The following NLRP14 variants were observed in gnomAD, a reference collection of about 807,000 sequenced individuals.
NLRP14 encodes NLR family pyrin domain containing 14.
A neutral mutation model predicts 94.7 loss-of-function variants in NLRP14; 105 were observed. That is an observed-to-expected ratio of 1.11 (90% CI 0.95 to 1.30). NLRP14 has a LOEUF of 1.30. Among genes scored for constraint, NLRP14 ranks in the 50% most tolerant of loss-of-function variants. The pLI is 0.00. For synonymous variants in NLRP14, 508 were observed against 459.9 expected, an observed-to-expected ratio of 1.10 and a Z score of -1.34; for missense variants, 1,362 against 1,254.1, an observed-to-expected ratio of 1.09 and a Z score of -1.30.
At chr11:7,061,410 C>T (rs1241573541) in intron 9 of NLRP14, among the ~76,000 whole-genome samples, 3 of 151,966 alleles carry the variant, frequency 2.0e-5, no homozygotes, top group African/African-American at 4.8e-5. Context: ...TTTGCTAGCC[C>T]ACTTTCTGTC....
the NLRP14 span, chr11:7,089,336 G>A: frequency 8.1e-6 from 13 of 1,608,140 alleles, no homozygotes; most frequent in Middle Eastern, 3.3e-4. Flanking sequence ...TGAACGGCAA[G>A]TCCCTGGATG....
chr11:7,063,162 T>C (rs1461728046), intron 10 of NLRP14, among the ~76,000 whole-genome samples: 1 of 152,096 alleles, frequency 6.6e-6, no homozygotes, highest in Non-Finnish European at 1.5e-5. Context: ...ATAATAGCAA[T>C]GATGATGATG....
At chr11:7,060,095 G>C in intron 9 of NLRP14, 31 bp downstream of exon 9, 2 of 1,587,112 alleles carry the variant, frequency 1.3e-6, no homozygotes, top group Admixed American at 1.7e-5. Flanking sequence ...CTTTTGTGTA[G>C]TTTCAACAAC....
rs1852130027 is a variant in NLRP14 at position 7,034,015 on chromosome 11, A to G, written c.-21-4551A>G. Among the ~76,000 whole-genome samples the G allele has an allele frequency of 4.6e-5, 7 of 152,232 alleles. No individual in the cohort carries two copies. The South Asian group carries it at 1.5e-3, about 32-fold the overall frequency. On this transcript the variant is annotated intron_variant, in intron 1 of 11. Transcript: ENST00000299481. Reference sequence around the variant, plus strand: ...GAGAGTGTTTGTCAGGTTTCTCACTAAAAAGTTTCTCCACTGTCCCCACCT... The same window carrying G: ...GAGAGTGTTTGTCAGGTTTCTCACTGAAAAGTTTCTCCACTGTCCCCACCT...
At chr11:7,024,847 G>A (rs1230298612) in intron 1 of NLRP14, among the ~76,000 whole-genome samples, 3 of 151,986 alleles carry the variant, frequency 2.0e-5, no homozygotes, top group African/African-American at 7.2e-5. Flanking sequence ...GTATCAAAAG[G>A]TATCCTATAT....
Position 7,043,838 on chromosome 11 carries a change from G to T in NLRP14, c.1812G>T (p.Lys604Asn). 1.9e-6 allele frequency: 3 copies of T among 1,614,202 alleles called. No homozygotes were observed. Among genetic ancestry groups the T allele is most frequent in the Non-Finnish European group, 2.5e-6 (3 of 1,180,034 alleles). The part of the protein sequence containing the change: ...FISQAMRCFP[K>N]VAINICEKIH... ...GCCAGGCAATGAGATGTTTCCCAAAGGTTGCCATTAATATTTGTGAGAAAA... is the reference window on the plus strand; with the variant it reads ...GCCAGGCAATGAGATGTTTCCCAAATGTTGCCATTAATATTTGTGAGAAAA... Residue 604 changes from lysine to asparagine, a missense_variant, in exon 4 of 12, where the codon AAG (lysine) becomes AAT (asparagine). Physicochemically the swap from Lys to Asn is moderately conservative, Grantham distance 94 (BLOSUM62 0). Transcript: ENST00000299481.
chr11:7,079,859 A>G, the NLRP14 span, among the ~76,000 whole-genome samples: 2 of 152,204 alleles, frequency 1.3e-5, no homozygotes, highest in Non-Finnish European at 2.9e-5. Context: ...TCTAAGCTGA[A>G]CCCGATTGGC....
chr11:7,085,677 T>A, the NLRP14 span, among the ~76,000 whole-genome samples: 1 of 152,056 alleles, frequency 6.6e-6, no homozygotes, highest in Non-Finnish European at 1.5e-5. Context: ...TAAAATTATG[T>A]AGTATTTGCA....
At chr11:7,048,673 G>T (rs1852396243) in intron 5 of NLRP14, among the ~76,000 whole-genome samples, 1 of 152,056 alleles carries the variant, frequency 6.6e-6, no homozygotes, top group Admixed American at 6.6e-5. Flanking sequence ...GGGGTTCCTG[G>T]AAGTCCTTTC....
chr11:7,042,001 A>C (rs1055842756), intron 3 of NLRP14, among the ~76,000 whole-genome samples: 1 of 150,752 alleles, frequency 6.6e-6, no homozygotes, highest in Admixed American at 6.6e-5. Flanking sequence ...CTTCCCTATT[A>C]TTGTTAATGG....
At position 7,046,692 on chromosome 11, in the gene NLRP14, T is replaced by A; in HGVS notation, c.1983T>A (p.Cys661Ter). The A allele has an allele frequency of 6.2e-7, 1 of 1,613,944 alleles. No homozygotes were observed. The highest frequency in any genetic ancestry group is 8.5e-7 in the Non-Finnish European group (1 of 1,179,766). The change falls in exon 5 of 12, where the codon TGT becomes TGA. Residue 661 changes from cysteine (C) to a stop codon, truncating the protein, a stop_gained. Transcript: ENST00000299481. LOFTEE classifies it high-confidence loss of function. ...GGGATGGTGATCGCATTACTCACTG[T>A]TGGCAAGATCTCTGTTCTGTGCTTC... Reference protein sequence around the residue: ...NTWDGDRITHCWQDLCSVLHT... With the variant: ...NTWDGDRITH
chr11:7,036,584 G>C (rs1852165763), intron 1 of NLRP14, among the ~76,000 whole-genome samples: 1 of 152,162 alleles, frequency 6.6e-6, no homozygotes, highest in South Asian at 2.1e-4. Flanking sequence ...GCATGCGTTA[G>C]CTTTTTTAAT....
At chr11:7,079,748 G>T in the NLRP14 span, among the ~76,000 whole-genome samples, 4 of 152,202 alleles carry the variant, frequency 2.6e-5, no homozygotes, top group African/African-American at 9.6e-5. Context: ...TGGAGCAAGG[G>T]CAAGAGCACA....
chr11:7,057,648 C>T lies in NLRP14; in HGVS notation c.2292-29C>T, dbSNP rs763954973. On this transcript the variant is annotated intron_variant, in intron 6 of 11. Coordinates refer to ENST00000299481, the MANE Select transcript of NLRP14 (RefSeq NM_176822.4). The stretch of plus-strand genomic sequence containing the variant: ...TTGTAATTATTCTCTAAGGAGTGGT[C>T]ATTCCTGCTTTTCTGTGTTGTTTTC... 1.4e-5 allele frequency: 23 copies of T among 1,603,950 alleles called. No homozygotes were observed. The Admixed American group carries it at 1.7e-4, about 12-fold the overall frequency.
intron 10 of NLRP14, among the ~76,000 whole-genome samples, chr11:7,066,078 T>C (rs1852700960): frequency 6.6e-6 from 1 of 152,228 alleles, no homozygotes; most frequent in African/African-American, 2.4e-5. Flanking sequence ...ATGGTGTATA[T>C]GTGCCACATT....
downstream of NLRP14, among the ~76,000 whole-genome samples, chr11:7,075,929 T>C (rs1852870076): frequency 6.6e-6 from 1 of 152,168 alleles, no homozygotes; most frequent in African/African-American, 2.4e-5. Flanking sequence ...GCAGGTCAAA[T>C]TTGAGAGCTC....
chr11:7,060,199 G>C (rs535669584), intron 9 of NLRP14, 135 bp downstream of exon 9: 609 of 818,904 alleles, frequency 7.4e-4, no homozygotes, highest in Non-Finnish European at 1.1e-3. Context: ...TCTTCTGCCT[G>C]AGACAAGCTG....
At chr11:7,053,029 A>T (rs974139564) in intron 6 of NLRP14, among the ~76,000 whole-genome samples, 1 of 152,200 alleles carries the variant, frequency 6.6e-6, no homozygotes, top group Admixed American at 6.5e-5. Context: ...AAAAAGTTTA[A>T]GTGAACTATC....
At chr11:7,075,984 T>C (rs1406273938), downstream of NLRP14, among the ~76,000 whole-genome samples, 1 of 152,230 alleles carries the variant, frequency 6.6e-6, no homozygotes, top group Non-Finnish European at 1.5e-5. Context: ...TAAACTTTTA[T>C]CTGCTCCTAA....
Sources: gnomAD v4.1 joint callset for allele counts (sites outside exome capture counted in the v4.1 genomes callset) on GRCh38, gnomAD v4.1.1 for gene constraint, MANE v1.5 for transcripts, NCBI Gene and HGNC (gene_info 2026-07-23, HGNC 2026-07-21) for gene names.